The following ZNRF1 variants were observed in gnomAD, a reference collection of about 807,000 sequenced individuals.
ZNRF1 encodes zinc and ring finger 1, also known as E3 ubiquitin-protein ligase ZNRF1.
ZNRF1 carries 3 observed loss-of-function variants against 18.4 expected under a neutral mutation model. That is an observed-to-expected ratio of 0.16 (90% CI 0.07 to 0.42). ZNRF1 has a LOEUF of 0.42. Ranked by LOEUF, ZNRF1 falls within the 10% of genes least tolerant of loss-of-function variation. ZNRF1 has a pLI of 0.99. For synonymous variants in ZNRF1, 157 were observed against 144.2 expected, an observed-to-expected ratio of 1.09 and a Z score of -0.64; for missense variants, 310 against 329.8, an observed-to-expected ratio of 0.94 and a Z score of 0.47.
chr16:75,024,403 G>A (rs570592722), intron 1 of ZNRF1, among the ~76,000 whole-genome samples: 75 of 152,118 alleles, frequency 4.9e-4, no homozygotes, highest in Admixed American at 1.0e-3. Context: ...CCTATGATAC[G>A]GAGTTAGGTG....
At chr16:75,032,399 G>A (rs981244277) in intron 1 of ZNRF1, among the ~76,000 whole-genome samples, 1 of 152,076 alleles carries the variant, frequency 6.6e-6, no homozygotes, top group Non-Finnish European at 1.5e-5. Context: ...ATGAGCCACT[G>A]CACCCGGCCT....
At chr16:75,069,269 C>G (rs555097452) in intron 1 of ZNRF1, among the ~76,000 whole-genome samples, 1 of 152,208 alleles carries the variant, frequency 6.6e-6, no homozygotes, top group African/African-American at 2.4e-5. Flanking sequence ...ATTTTTTCCT[C>G]TTACCCTGCT....
intron 1 of ZNRF1, among the ~76,000 whole-genome samples, chr16:75,040,861 G>T (rs569376941): frequency 5.9e-4 from 89 of 152,102 alleles, no homozygotes; most frequent in African/African-American, 2.1e-3. Flanking sequence ...ACCCACCTTG[G>T]CCTTCCAAAG....
At chr16:75,012,888 C>T (rs1034098555) in intron 1 of ZNRF1, among the ~76,000 whole-genome samples, 4 of 152,158 alleles carry the variant, frequency 2.6e-5, no homozygotes, top group African/African-American at 9.7e-5. Flanking sequence ...AAGCCTGTTA[C>T]CGGTTCCAGG....
chr16:75,082,066 T>TG (rs1242272686), intron 1 of ZNRF1, among the ~76,000 whole-genome samples: 2 of 152,188 alleles, frequency 1.3e-5, no homozygotes, highest in African/African-American at 4.8e-5. Context: ...TTGGTAGAGA[T>TG]GGGGGTCTCA....
chr16:75,076,005 G>GA (rs1448183355), intron 1 of ZNRF1, among the ~76,000 whole-genome samples: 1 of 152,110 alleles, frequency 6.6e-6, no homozygotes, highest in East Asian at 1.9e-4. Context: ...CAGGAGAGAG[G>GA]AAAAATATGC....
At chr16:75,014,635 T>A (rs1458391325) in intron 1 of ZNRF1, among the ~76,000 whole-genome samples, 1 of 152,166 alleles carries the variant, frequency 6.6e-6, no homozygotes. Flanking sequence ...ACATCCTTAG[T>A]CATGAAATAG....
chr16:75,050,870 C>CAAA (rs1165011147), intron 1 of ZNRF1, among the ~76,000 whole-genome samples: 126 of 9,234 alleles, frequency 0.014, 26 homozygotes, highest in South Asian at 0.021. Flanking sequence ...GACTCCGTCT[C>CAAA]AAAAAAAAAA....
At chr16:75,039,117 T>C (rs1189272675) in intron 1 of ZNRF1, among the ~76,000 whole-genome samples, 3 of 152,204 alleles carry the variant, frequency 2.0e-5, no homozygotes, top group Admixed American at 1.3e-4. Flanking sequence ...GAATTAATAG[T>C]TCCTATAGAT....
At chr16:75,012,418 C>T in intron 1 of ZNRF1, among the ~76,000 whole-genome samples, 1 of 152,262 alleles carries the variant, frequency 6.6e-6, no homozygotes, top group African/African-American at 2.4e-5. Context: ...GGGGAATTTC[C>T]TTACTGTCTG....
intron 1 of ZNRF1, among the ~76,000 whole-genome samples, chr16:75,057,430 A>T (rs1567481050): frequency 6.6e-6 from 1 of 152,096 alleles, no homozygotes; most frequent in African/African-American, 2.4e-5. Flanking sequence ...GCTCCTTAAG[A>T]AGCAATTTAT....
In ZNRF1 at chr16:75,107,767, C is replaced by A; in HGVS notation, c.*67C>A. On this transcript the variant is annotated 3_prime_UTR_variant, in exon 5 of 5. Transcript: ENST00000335325. ...GCCCCTGCTCCAGGGAGGAGGCTCA[C>A]CGGACCCTGGGGCAGAGCTGAGCTT... 1 of 456,494 alleles carries A rather than the reference C, an allele frequency of 2.2e-6. No individual in the cohort carries two copies. The highest frequency in any genetic ancestry group is 1.5e-5 in the South Asian group (1 of 64,556). 28.3% of individuals were successfully genotyped at this position (456,494 alleles called of 1,614,324 possible). A position where few individuals can be genotyped will look rare whatever the true frequency, so the allele number is the denominator to read the frequency against.
At chr16:75,040,042 C>CTTTCTTTTTTT (rs2035423345) in intron 1 of ZNRF1, among the ~76,000 whole-genome samples, 1 of 78,890 alleles carries the variant, frequency 1.3e-5, no homozygotes, top group Admixed American at 1.9e-4. Context: ...TCTTTTCTTT[C>CTTTCTTTTTTT]TTTTTTTTTT....
Position 75,052,396 on chromosome 16 carries a change from G to T in ZNRF1, c.425-41176G>T, listed in dbSNP as rs1373433374. ...AGCCTGAGTGACAGAGCCAGACCCT[G>T]TCTCAAAAAAAAAAAAAAGAAAAGA... On this transcript the variant is annotated intron_variant, in intron 1 of 4. Coordinates refer to ENST00000335325, the MANE Select transcript of ZNRF1 (RefSeq NM_032268.5). Among the ~76,000 whole-genome samples, 3 of 146,972 alleles carry T rather than the reference G, an allele frequency of 2.0e-5. No homozygotes were observed. The Admixed American group carries it at 2.1e-4, about 10-fold the overall frequency.
intron 1 of ZNRF1, among the ~76,000 whole-genome samples, chr16:75,016,861 A>G (rs2035079863): frequency 6.6e-6 from 1 of 152,118 alleles, no homozygotes; most frequent in East Asian, 1.9e-4. Context: ...TTTATTTACT[A>G]TCGTTTTGTA....
chr16:75,070,176 G>A (rs1357753609), intron 1 of ZNRF1, among the ~76,000 whole-genome samples: 4 of 152,186 alleles, frequency 2.6e-5, no homozygotes, highest in Non-Finnish European at 5.9e-5. Context: ...TCTAAGTCCA[G>A]CAGATGGCCC....
chr16:75,000,718 G>T (rs1457756847), intron 1 of ZNRF1, among the ~76,000 whole-genome samples: 1 of 152,226 alleles, frequency 6.6e-6, no homozygotes, highest in Middle Eastern at 3.2e-3. Flanking sequence ...GGCTTTGCAG[G>T]ACCCGGGCTG....
chr16:75,091,497 C>T (rs1399075830), intron 1 of ZNRF1, among the ~76,000 whole-genome samples: 1 of 151,486 alleles, frequency 6.6e-6, no homozygotes, highest in Non-Finnish European at 1.5e-5. Context: ...ACGTGGGAGA[C>T]TCTGACCCCC....
At chr16:75,042,950 C>T (rs965757990) in intron 1 of ZNRF1, among the ~76,000 whole-genome samples, 1 of 152,186 alleles carries the variant, frequency 6.6e-6, no homozygotes. Context: ...CTAGTGGGAA[C>T]GCAGGCCAAG....
Sources: gnomAD v4.1 joint callset for allele counts (sites outside exome capture counted in the v4.1 genomes callset) on GRCh38, gnomAD v4.1.1 for gene constraint, MANE v1.5 for transcripts, NCBI Gene and HGNC (gene_info 2026-07-23, HGNC 2026-07-21) for gene names.